The following CNTNAP2 variants were observed in gnomAD, a reference collection of about 807,000 sequenced individuals.
The protein encoded by CNTNAP2 is contactin associated protein 2, also known as contactin-associated protein-like 2.
Under a neutral mutation model 155.2 loss-of-function variants are expected in CNTNAP2, and 98 were observed. The observed-to-expected ratio is 0.63, with a 90% confidence interval of 0.54 to 0.75. CNTNAP2 has a LOEUF of 0.75. Ranked by LOEUF, CNTNAP2 falls within the 30% of genes least tolerant of loss-of-function variation. CNTNAP2 has a pLI of 0.00. For synonymous variants in CNTNAP2, 651 were observed against 631.2 expected (o/e 1.03, Z -0.47); for missense variants, 1,727 against 1,688.1 (o/e 1.02, Z -0.40).
chr7:146,916,415 A>C (rs1796395246), intron 3 of CNTNAP2, among the ~76,000 whole-genome samples: 1 of 152,006 alleles, frequency 6.6e-6, no homozygotes, highest in Non-Finnish European at 1.5e-5. Flanking sequence ...ATTATTCTTT[A>C]AATGTCTGAT....
At chr7:146,151,649 T>C (rs62504798) in intron 1 of CNTNAP2, among the ~76,000 whole-genome samples, 7,234 of 28,150 alleles carry the variant, frequency 0.26, 534 homozygotes, top group Non-Finnish European at 0.35. Context: ...TATATATATA[T>C]ATATATATAT....
intron 1 of CNTNAP2, among the ~76,000 whole-genome samples, chr7:146,459,223 A>G (rs1328198557): frequency 6.6e-6 from 1 of 152,168 alleles, no homozygotes; most frequent in Non-Finnish European, 1.5e-5. Flanking sequence ...AATTTGTCCC[A>G]TGGATGCTGA....
At chr7:146,335,722 T>C (rs6464752) in intron 1 of CNTNAP2, among the ~76,000 whole-genome samples, 18,725 of 152,098 alleles carry the variant, frequency 0.12, 3,481 homozygotes, top group African/African-American at 0.4. Context: ...ATTTTGTTCC[T>C]ACAAGTGTTC....
chr7:147,221,446 C>T (rs976345695), intron 8 of CNTNAP2, among the ~76,000 whole-genome samples: 1 of 152,072 alleles, frequency 6.6e-6, no homozygotes, highest in African/African-American at 2.4e-5. Context: ...TGATGCTGGG[C>T]TGCAGCTGAG....
In CNTNAP2 at chr7:147,711,151, G is replaced by A. The variant is rs976730469; in HGVS notation, c.2098+71845G>A. Among the ~76,000 whole-genome samples, 19 of 152,030 alleles carry A rather than the reference G, an allele frequency of 1.2e-4. 1 individual carries two copies. The highest frequency in any genetic ancestry group is 4.6e-4 in the African/African-American group (19 of 41,386). ...GTAGCCTTACTTTGAATAGCTATAG[G>A]GTATTTAAATAGTAACCTAACTTAC... On this transcript the variant is annotated intron_variant, in intron 13 of 23. Transcript: ENST00000361727.
At chr7:148,080,668 T>C (rs1400599494) in intron 15 of CNTNAP2, among the ~76,000 whole-genome samples, 1 of 151,754 alleles carries the variant, frequency 6.6e-6, no homozygotes, top group African/African-American at 2.4e-5. Context: ...TACCTACCTA[T>C]GCCTTGCCAA....
chr7:147,726,153 G>A (rs2116457532), intron 13 of CNTNAP2, among the ~76,000 whole-genome samples: 1 of 152,094 alleles, frequency 6.6e-6, no homozygotes, highest in Non-Finnish European at 1.5e-5. Flanking sequence ...ATTTATTCAA[G>A]ATGAATAAGT....
intron 1 of CNTNAP2, among the ~76,000 whole-genome samples, chr7:146,150,613 T>C (rs1016658849): frequency 6.6e-6 from 1 of 152,152 alleles, no homozygotes; most frequent in African/African-American, 2.4e-5. Context: ...ATAGGGGCAA[T>C]TTAACTCCTC....
At chr7:147,899,226 G>A (rs1187893210) in intron 13 of CNTNAP2, among the ~76,000 whole-genome samples, 4 of 152,166 alleles carry the variant, frequency 2.6e-5, no homozygotes. Flanking sequence ...TGTAGTTCCA[G>A]CTACTCAGGA....
chr7:146,974,545 A>C (rs1259444604), intron 3 of CNTNAP2, among the ~76,000 whole-genome samples: 1 of 152,246 alleles, frequency 6.6e-6, no homozygotes, highest in African/African-American at 2.4e-5. Flanking sequence ...TAAAGTCAAA[A>C]TTATTCTGAA....
chr7:146,911,878 G>C (rs1796290828), intron 3 of CNTNAP2, among the ~76,000 whole-genome samples: 1 of 151,964 alleles, frequency 6.6e-6, no homozygotes, highest in Admixed American at 6.6e-5. Context: ...TATAATACAT[G>C]GTAATTTTCA....
intron 13 of CNTNAP2, among the ~76,000 whole-genome samples, chr7:147,842,189 C>A (rs1291507638): frequency 2.0e-5 from 3 of 152,166 alleles, no homozygotes; most frequent in Non-Finnish European, 2.9e-5. Flanking sequence ...GAAATTAACA[C>A]CCAAGTGAAA....
chr7:148,178,108 C>A (rs1794979461), intron 18 of CNTNAP2, among the ~76,000 whole-genome samples: 1 of 152,142 alleles, frequency 6.6e-6, no homozygotes, highest in African/African-American at 2.4e-5. Flanking sequence ...TTGGATATCA[C>A]CCAGGCTGCT....
intron 11 of CNTNAP2, among the ~76,000 whole-genome samples, chr7:147,529,830 T>C (rs1799399774): frequency 6.6e-6 from 1 of 152,214 alleles, no homozygotes; most frequent in African/African-American, 2.4e-5. Flanking sequence ...ACTATTTCCA[T>C]AATGTTCCAT....
At chr7:147,567,510 A>G (rs1418887881) in intron 12 of CNTNAP2, among the ~76,000 whole-genome samples, 1 of 152,314 alleles carries the variant, frequency 6.6e-6, no homozygotes, top group South Asian at 2.1e-4. Context: ...CCCCCGTAGT[A>G]ATGCAGAGGT....
chr7:146,713,880 CA>C (rs1801141198), intron 1 of CNTNAP2, among the ~76,000 whole-genome samples: 1 of 152,074 alleles, frequency 6.6e-6, no homozygotes, highest in Non-Finnish European at 1.5e-5. Flanking sequence ...TTCCTATCCA[CA>C]GAGCTAATAC....
At chr7:146,865,778 A>G (rs751753723) in intron 3 of CNTNAP2, among the ~76,000 whole-genome samples, 2 of 152,178 alleles carry the variant, frequency 1.3e-5, no homozygotes, top group Non-Finnish European at 2.9e-5. Context: ...CATAACACAG[A>G]GAAATCAAAA....
intron 22 of CNTNAP2, among the ~76,000 whole-genome samples, chr7:148,393,935 TTA>T (rs1326266661): frequency 6.6e-6 from 1 of 151,874 alleles, no homozygotes; most frequent in Non-Finnish European, 1.5e-5. Flanking sequence ...TCCTATTGAT[TTA>T]TAAGTATTCT....
intron 2 of CNTNAP2, among the ~76,000 whole-genome samples, chr7:146,800,375 G>A (rs1489447452): frequency 6.6e-6 from 1 of 152,204 alleles, no homozygotes; most frequent in East Asian, 1.9e-4. Flanking sequence ...GGGTGGCCTG[G>A]GAAGACCAGC....
Sources: allele counts gnomAD v4.1 joint callset (sites outside exome capture counted in the v4.1 genomes callset), GRCh38; gene constraint gnomAD v4.1.1; transcripts MANE v1.5; gene names NCBI Gene and HGNC (gene_info 2026-07-23, HGNC 2026-07-21).